PSPC1: variants seen among roughly 807,000 people sequenced by gnomAD.
The protein encoded by PSPC1 is paraspeckle component 1, also known as paraspeckle protein 1.
In PSPC1, 14 loss-of-function variants were observed where a neutral mutation model predicts 51.6. The observed-to-expected ratio is 0.27, with a 90% CI of 0.18 to 0.42. The LOEUF is 0.42. Ranked by LOEUF, PSPC1 falls within the 10% of genes least tolerant of loss-of-function variation. PSPC1 has a pLI of 1.00. For missense variants in PSPC1, 406 were observed against 701.1 expected, an observed-to-expected ratio of 0.58 and a Z score of 4.75; for synonymous variants, 193 against 231.9, an observed-to-expected ratio of 0.83 and a Z score of 1.53.
At chr13:19,691,452 GT>G (rs1878534025) in intron 6 of PSPC1, among the ~76,000 whole-genome samples, 1 of 152,164 alleles carries the variant, frequency 6.6e-6, no homozygotes. Flanking sequence ...GGGCCTAGGA[GT>G]TTGAGGCTGC....
chr13:19,759,289 T>C (rs1887390998), intron 3 of PSPC1, 34 bp downstream of exon 3: 17 of 1,499,850 alleles, frequency 1.1e-5, no homozygotes, highest in Non-Finnish European at 1.5e-5. Context: ...CCCTTAATAG[T>C]ACAGACACAA....
chr13:19,777,123 A>C (rs1158932510), intron 1 of PSPC1, among the ~76,000 whole-genome samples: 1 of 146,426 alleles, frequency 6.8e-6, no homozygotes, highest in Non-Finnish European at 1.5e-5. Context: ...CCATCTAAAA[A>C]AAAAAAAAAA....
chr13:19,677,062 G>A (rs543760518), intron 7 of PSPC1, among the ~76,000 whole-genome samples: 22 of 152,014 alleles, frequency 1.4e-4, no homozygotes, highest in East Asian at 5.8e-4. Context: ...GTGAAACCCC[G>A]TCTCTACTAA....
At chr13:19,706,484 A>C (rs1880685568) in intron 7 of PSPC1, among the ~76,000 whole-genome samples, 2 of 152,164 alleles carry the variant, frequency 1.3e-5, no homozygotes, top group South Asian at 4.1e-4. Flanking sequence ...CCGCAACCAA[A>C]TACAGATAAA....
In PSPC1 at chr13:19,782,234, C is replaced by T. The variant is rs1890054141; in HGVS notation, c.372+152G>A. ...CAAAGGCGCCGAGCTGGGGAAGCGG[C>T]CAACCCCGCACAGAGGAATCGATGA... On this transcript the variant is annotated intron_variant, in intron 1 of 8. Transcript: ENST00000338910. The surrounding 1 kb of genome is among the most constrained non-coding windows in gnomAD (Gnocchi z 4.5). 2 of 1,239,860 alleles carry T rather than the reference C, an allele frequency of 1.6e-6. No individual in the cohort carries two copies. The highest frequency in any genetic ancestry group is 4.3e-5 in the South Asian group (2 of 46,008). 76.8% of individuals were successfully genotyped at this position (1,239,860 alleles called of 1,614,324 possible). A position where few individuals can be genotyped will look rare whatever the true frequency, so the allele number is the denominator to read the frequency against.
intron 4 of PSPC1, among the ~76,000 whole-genome samples, chr13:19,748,825 T>C (rs12870127): frequency 0.8 from 116,992 of 146,120 alleles, 48,189 homozygotes; most frequent in East Asian, 0.96. Flanking sequence ...AGGGCTAGGG[T>C]AACCACAGAG....
In PSPC1 at chr13:19,704,332, A is replaced by G. The variant is rs9551983; in HGVS notation, c.1387-972T>C. On this transcript the variant is annotated intron_variant, in intron 8 of 8. Transcript: ENST00000338910. ...ACTGCCTCATCTCCCTGTATAAACT[A>G]TCATTTTAAAAAATCCAACTGCCAG... Among the ~76,000 whole-genome samples, 26 of 152,402 alleles carry G rather than the reference A, an allele frequency of 1.7e-4. No homozygotes were observed. The East Asian group carries it at 3.7e-3, about 21-fold the overall frequency.
chr13:19,774,930 T>C (rs922128522), intron 1 of PSPC1, among the ~76,000 whole-genome samples: 1 of 152,000 alleles, frequency 6.6e-6, no homozygotes, highest in Non-Finnish European at 1.5e-5. Context: ...ATCCCAGCAC[T>C]TTGGGAAGCC....
intron 2 of PSPC1, among the ~76,000 whole-genome samples, chr13:19,762,696 A>G (rs1042819203): frequency 5.3e-5 from 8 of 152,220 alleles, no homozygotes; most frequent in Middle Eastern, 3.2e-3. Flanking sequence ...CACATGCTAA[A>G]ATGTGTTTCT....
chr13:19,772,330 T>C lies in PSPC1; in HGVS notation c.586A>G (p.Thr196Ala), dbSNP rs1888698291. The change falls in exon 2 of 9, where the codon ACA (threonine) becomes GCA (alanine). Residue 196 changes from threonine to alanine, a missense_variant. Physicochemically the swap from Thr to Ala is moderately conservative, Grantham distance 58. Transcript: ENST00000338910. ...GCAAACTCTACAAAACCTTTTCCTG[T>C]AGCTCTACCGCGATCATCCACAACC... ...VVVVDDRGRATGKGFVEFAAK... is the reference protein window; with the variant it reads ...VVVVDDRGRAAGKGFVEFAAK... 1 of 1,614,220 alleles carries C rather than the reference T, an allele frequency of 6.2e-7. No individual in the cohort carries two copies. The highest frequency in any genetic ancestry group is 8.5e-7 in the Non-Finnish European group (1 of 1,180,050).
intron 6 of PSPC1, among the ~76,000 whole-genome samples, chr13:19,712,146 A>G (rs1386853725): frequency 1.3e-5 from 2 of 152,182 alleles, no homozygotes; most frequent in East Asian, 3.8e-4. Flanking sequence ...GTTACACACC[A>G]GCACCATCGA....
At chr13:19,738,905 C>CA (rs35177083) in intron 5 of PSPC1, among the ~76,000 whole-genome samples, 3,065 of 111,862 alleles carry the variant, frequency 0.027, 65 homozygotes, top group African/African-American at 0.078. Context: ...GACTCCATCT[C>CA]AAAAAAAAAA....
chr13:19,673,721 C>T (rs1298223048), downstream of PSPC1, among the ~76,000 whole-genome samples: 4 of 152,102 alleles, frequency 2.6e-5, no homozygotes, highest in Non-Finnish European at 4.4e-5. Context: ...ATCAGGAAGG[C>T]GGGGCTTTCT....
intron 7 of PSPC1, among the ~76,000 whole-genome samples, chr13:19,707,812 CTAA>C (rs2137758575): frequency 6.6e-6 from 1 of 152,170 alleles, no homozygotes; most frequent in East Asian, 1.9e-4. Flanking sequence ...TAATGTCATT[CTAA>C]TAATGATAAC....
At chr13:19,762,956 T>A (rs899045318) in intron 2 of PSPC1, among the ~76,000 whole-genome samples, 1 of 151,848 alleles carries the variant, frequency 6.6e-6, no homozygotes, top group African/African-American at 2.4e-5. Flanking sequence ...ATACAAAAAA[T>A]TAGCTGGGTA....
intron 1 of PSPC1, among the ~76,000 whole-genome samples, chr13:19,777,200 C>G (rs144850562): frequency 1.3e-5 from 2 of 148,196 alleles, no homozygotes; most frequent in Admixed American, 1.4e-4. Flanking sequence ...GAGGCTGAGG[C>G]GGGTGGATCA....
At chr13:19,671,393 C>A, downstream of PSPC1, 3 of 985,964 alleles carry the variant, frequency 3.0e-6, no homozygotes, top group Non-Finnish European at 4.7e-6. Context: ...TGTACCTGTC[C>A]TAGAGACAGG....
At chr13:19,747,449 A>C (rs1371353467) in intron 4 of PSPC1, among the ~76,000 whole-genome samples, 1 of 152,028 alleles carries the variant, frequency 6.6e-6, no homozygotes, top group African/African-American at 2.4e-5. Flanking sequence ...CTCCCACCTA[A>C]GCCTTCCCAA....
intron 2 of PSPC1, among the ~76,000 whole-genome samples, chr13:19,771,872 T>C (rs1281318261): frequency 6.6e-6 from 1 of 152,112 alleles, no homozygotes; most frequent in African/African-American, 2.4e-5. Context: ...ATCCGCGCAC[T>C]GAAAGTCTGG....
Sources: allele counts gnomAD v4.1 joint callset (sites outside exome capture counted in the v4.1 genomes callset), GRCh38; gene constraint gnomAD v4.1.1; non-coding constraint Gnocchi (gnomAD v3.1); transcripts MANE v1.5; gene names NCBI Gene and HGNC (gene_info 2026-07-23, HGNC 2026-07-21).